RIMS1: variants seen among roughly 807,000 people sequenced by gnomAD.
RIMS1 encodes the protein regulating synaptic membrane exocytosis 1, also known as regulating synaptic membrane exocytosis protein 1.
A neutral mutation model predicts 214.1 loss-of-function variants in RIMS1; 83 were observed. That is an observed-to-expected ratio of 0.39 (90% CI 0.32 to 0.47). RIMS1 has a LOEUF of 0.47. RIMS1 is among the 20% of genes least tolerant of loss of function. The pLI is 0.99. For missense variants in RIMS1, 2,050 were observed against 2,161.8 expected (o/e 0.95, Z 1.03); for synonymous variants, 793 against 786.8 (o/e 1.01, Z -0.13).
rs745589665 is a variant in RIMS1 at position 72,398,924 on chromosome 6, A to G, written c.4721-31A>G. 2.6e-5 allele frequency: 36 copies of G among 1,360,146 alleles called. No homozygotes were observed. The South Asian group carries it at 4.3e-4, about 16-fold the overall frequency. The allele number at this position is 1,360,146 out of a possible 1,614,324, so 84.3% of individuals were successfully genotyped here. ...AAAAAATAGTTGAATTTAAGGAATA[A>G]TTTCTTATATGTTAATATACCTTTG... On this transcript the variant is annotated intron_variant, in intron 32 of 33. Coordinates refer to ENST00000521978, the MANE Select transcript of RIMS1 (RefSeq NM_014989.7).
At chr6:72,400,365 T>C in intron 33 of RIMS1, 131 bp from the exon 34 acceptor site, 1 of 702,810 alleles carries the variant, frequency 1.4e-6, no homozygotes, top group Non-Finnish European at 2.5e-6. Context: ...TTCTCCTTGG[T>C]GATAGTTGTA....
intron 6 of RIMS1, among the ~76,000 whole-genome samples, chr6:72,186,816 C>T (rs1177634411): frequency 2.0e-5 from 3 of 148,920 alleles, no homozygotes; most frequent in African/African-American, 7.4e-5. Context: ...CAATCTCATA[C>T]TATATATAGG....
At chr6:72,390,833 CTATT>C (rs2154438410) in intron 30 of RIMS1, 97 bp downstream of exon 30, 5 of 1,421,734 alleles carry the variant, frequency 3.5e-6, no homozygotes, top group Middle Eastern at 2.0e-4. Flanking sequence ...TGCAGCTTCT[CTATT>C]TAATCAGAAG....
intron 4 of RIMS1, among the ~76,000 whole-genome samples, chr6:72,106,746 G>A (rs1442006200): frequency 6.6e-6 from 1 of 152,158 alleles, no homozygotes; most frequent in Non-Finnish European, 1.5e-5. Context: ...ACTAGTGTAT[G>A]ATGGTTCCCC....
At chr6:72,253,440 G>A (rs557980218) in intron 16 of RIMS1, among the ~76,000 whole-genome samples, 13 of 152,068 alleles carry the variant, frequency 8.5e-5, no homozygotes, top group Non-Finnish European at 1.8e-4. Context: ...TGATGTTGTA[G>A]GGTTTAAATG....
intron 4 of RIMS1, among the ~76,000 whole-genome samples, chr6:72,148,354 T>C (rs752120417): frequency 2.0e-5 from 3 of 152,194 alleles, no homozygotes; most frequent in Non-Finnish European, 4.4e-5. Flanking sequence ...TCCTTTCTCT[T>C]TCTAGAAAAA....
rs1164302891 is a variant in RIMS1 at position 72,123,750 on chromosome 6, C to T, written c.471+23764C>T. 2.0e-5 allele frequency among the ~76,000 whole-genome samples: 3 copies of T among 151,768 alleles called. 1 individual carries two copies. The highest frequency in any genetic ancestry group is 4.4e-5 in the Non-Finnish European group (3 of 67,836). On this transcript the variant is annotated intron_variant, in intron 4 of 33. Coordinates refer to ENST00000521978, the MANE Select transcript of RIMS1 (RefSeq NM_014989.7). ...AATGGCCTTCTTTGTCTCTTTTGAT[C>T]TTTGTCAGTTTAAAGTCTGTTTTAT...
intron 29 of RIMS1, among the ~76,000 whole-genome samples, chr6:72,380,556 G>A (rs2098468891): frequency 6.6e-6 from 1 of 152,088 alleles, no homozygotes; most frequent in Non-Finnish European, 1.5e-5. Context: ...TATTAACTTA[G>A]ACCAAAGAAG....
chr6:72,057,241 A>G (rs531469990), intron 2 of RIMS1, among the ~76,000 whole-genome samples: 1 of 152,348 alleles, frequency 6.6e-6, no homozygotes, highest in Non-Finnish European at 1.5e-5. Context: ...TTGCTGAGAT[A>G]ACATTGTCTG....
chr6:72,363,540 A>G (rs1156538515), intron 29 of RIMS1, among the ~76,000 whole-genome samples: 2 of 152,206 alleles, frequency 1.3e-5, no homozygotes, highest in African/African-American at 2.4e-5. Flanking sequence ...AAATATTTGG[A>G]GTTGAAATAT....
chr6:72,336,615 A>G (rs1256539282), intron 29 of RIMS1, among the ~76,000 whole-genome samples: 1 of 151,814 alleles, frequency 6.6e-6, no homozygotes, highest in Non-Finnish European at 1.5e-5. Context: ...TTCTTATATA[A>G]TGATGGGTTG....
At chr6:71,890,205 G>C (rs184632848) in intron 1 of RIMS1, among the ~76,000 whole-genome samples, 2 of 152,142 alleles carry the variant, frequency 1.3e-5, no homozygotes, top group Admixed American at 1.3e-4. Context: ...TTAAAATCAA[G>C]ATTTTAGAAG....
intron 2 of RIMS1, among the ~76,000 whole-genome samples, chr6:72,026,464 C>T (rs571964906): frequency 2.8e-5 from 4 of 143,070 alleles, no homozygotes; most frequent in Non-Finnish European, 4.6e-5. Context: ...CGCCCCCCCC[C>T]CCAACTTTTT....
intron 1 of RIMS1, among the ~76,000 whole-genome samples, chr6:71,942,001 C>T (rs932817826): frequency 2.0e-5 from 3 of 152,160 alleles, no homozygotes; most frequent in African/African-American, 4.8e-5. Context: ...TAGGTGTAGG[C>T]ACTGATTGGT....
At chr6:72,363,348 T>C (rs1362683941) in intron 29 of RIMS1, among the ~76,000 whole-genome samples, 1 of 152,220 alleles carries the variant, frequency 6.6e-6, no homozygotes, top group African/African-American at 2.4e-5. Context: ...CCAGTAAGGC[T>C]TTGTGACCAT....
chr6:71,984,365 A>AT (rs1799290491), intron 2 of RIMS1, among the ~76,000 whole-genome samples: 1 of 151,874 alleles, frequency 6.6e-6, no homozygotes, highest in South Asian at 2.1e-4. Context: ...AAAAAAAAAA[A>AT]CTGTACTGCT....
rs2037855387 is a variant in RIMS1 at position 72,119,810 on chromosome 6, A to C, written c.471+19824A>C. Among the ~76,000 whole-genome samples, 3 of 150,978 alleles carry C rather than the reference A, an allele frequency of 2.0e-5. No homozygotes were observed. In the South Asian group the frequency reaches 6.3e-4, roughly 32 times the overall value. ...AATGCTATCCTTCCCCCACTCCCCC[A>C]ACCCCACAACAGGCCCCTGTGTGTG... On this transcript the variant is annotated intron_variant, in intron 4 of 33. Coordinates refer to ENST00000521978, the MANE Select transcript of RIMS1 (RefSeq NM_014989.7).
At chr6:71,900,219 A>G (rs1291335823) in intron 1 of RIMS1, among the ~76,000 whole-genome samples, 1 of 152,042 alleles carries the variant, frequency 6.6e-6, no homozygotes, top group Non-Finnish European at 1.5e-5. Flanking sequence ...AATGAGAGCC[A>G]GTGATGGAAG....
At chr6:72,223,000 T>G (rs2059011029) in intron 6 of RIMS1, among the ~76,000 whole-genome samples, 1 of 152,224 alleles carries the variant, frequency 6.6e-6, no homozygotes, top group Non-Finnish European at 1.5e-5. Flanking sequence ...CCCACTTTCT[T>G]GTTAATAATT....
Sources: allele counts gnomAD v4.1 joint callset (sites outside exome capture counted in the v4.1 genomes callset), GRCh38; gene constraint gnomAD v4.1.1; transcripts MANE v1.5; gene names NCBI Gene and HGNC (gene_info 2026-07-23, HGNC 2026-07-21).